Variants in PLD5 observed in about 807,000 individuals in gnomAD.
The protein encoded by PLD5 is inactive phospholipase D5.
A neutral mutation model predicts 61.1 loss-of-function variants in PLD5; 36 were observed. That is an observed-to-expected ratio of 0.59 (90% confidence interval 0.45 to 0.78). The LOEUF (loss-of-function observed/expected upper bound fraction) is 0.78, where lower values mean the gene tolerates loss of function less well. Among genes scored for constraint, PLD5 ranks in the 30% least tolerant of loss-of-function variants. The pLI, the probability that PLD5 is intolerant of heterozygous loss-of-function variation, is 0.00. For missense variants in PLD5, 515 were observed against 644.4 expected (o/e 0.80, Z 2.17); for synonymous variants, 243 against 242.8 (o/e 1.00, Z -0.01).
chr1:242,519,868 C>T (rs1669224230), intron 1 of PLD5, among the ~76,000 whole-genome samples: 2 of 152,182 alleles, frequency 1.3e-5, no homozygotes, highest in African/African-American at 4.8e-5. Flanking sequence ...AGGCTGATCT[C>T]AAATTTGAAA....
At position 242,088,603 on chromosome 1, in the gene PLD5, G is replaced by A. The variant is rs577184185; in HGVS notation, c.*1251C>T. The A allele has an allele frequency of 3.3e-5, 5 of 152,280 alleles. No homozygotes were observed. Among genetic ancestry groups the A allele is most frequent in the African/African-American group, 1.2e-4 (5 of 41,564 alleles). 9.4% of individuals were successfully genotyped at this position (152,280 alleles called of 1,614,324 possible). A position where few individuals can be genotyped will look rare whatever the true frequency, so the allele number is the denominator to read the frequency against. The stretch of plus-strand genomic sequence containing the variant: ...GCTCCGCTTTGAGTCACAGAGTCGG[G>A]AACAACATTGGAACTGGACATCCCG... On this transcript the variant is annotated 3_prime_UTR_variant, in exon 10 of 10. Transcript: ENST00000536534.
chr1:242,260,097 C>T (rs890004833), intron 4 of PLD5, among the ~76,000 whole-genome samples: 3 of 152,136 alleles, frequency 2.0e-5, no homozygotes, highest in Admixed American at 1.3e-4. Context: ...GCCTGTACTC[C>T]CAACACTTTG....
intron 4 of PLD5, among the ~76,000 whole-genome samples, chr1:242,254,813 CGCT>C (rs1168563327): frequency 6.6e-6 from 1 of 152,202 alleles, no homozygotes; most frequent in African/African-American, 2.4e-5. Flanking sequence ...ATGCTAATTA[CGCT>C]GCTAATTATC....
intron 2 of PLD5, among the ~76,000 whole-genome samples, chr1:242,328,080 C>T (rs1037266836): frequency 6.6e-6 from 1 of 151,888 alleles, no homozygotes; most frequent in African/African-American, 2.4e-5. Flanking sequence ...CTGCTAAAAA[C>T]AAAACAAAAC....
intron 1 of PLD5, among the ~76,000 whole-genome samples, chr1:242,473,896 A>T (rs1259666027): frequency 6.6e-6 from 1 of 152,218 alleles, no homozygotes; most frequent in Admixed American, 6.5e-5. Flanking sequence ...GAGTTTTTTT[A>T]AAAATGAGTT....
At chr1:242,227,494 A>T (rs1486868375) in intron 4 of PLD5, among the ~76,000 whole-genome samples, 1 of 151,924 alleles carries the variant, frequency 6.6e-6, no homozygotes, top group Non-Finnish European at 1.5e-5. Context: ...CCTCCCAAGT[A>T]GCTGGGACTA....
chr1:242,476,184 G>C (rs112867990), intron 1 of PLD5, among the ~76,000 whole-genome samples: 1 of 151,952 alleles, frequency 6.6e-6, no homozygotes, highest in East Asian at 1.9e-4. Flanking sequence ...GTGAAACCCC[G>C]TCTCTACTAA....
At chr1:242,412,196 G>A (rs1263018789) in intron 1 of PLD5, among the ~76,000 whole-genome samples, 1 of 152,136 alleles carries the variant, frequency 6.6e-6, no homozygotes, top group African/African-American at 2.4e-5. Context: ...AGCCCTTAGG[G>A]AAGAAAGCCT....
chr1:242,142,150 T>C (rs1407477483), intron 5 of PLD5, among the ~76,000 whole-genome samples: 1 of 152,216 alleles, frequency 6.6e-6, no homozygotes, highest in Non-Finnish European at 1.5e-5. Context: ...CTCCTCTTCA[T>C]GAAGACTTCA....
rs550590894 is a variant in PLD5, at chr1:242,160,955, C to A, written c.736-36290G>T. On this transcript the variant is annotated intron_variant, in intron 5 of 9. Transcript: ENST00000536534. The stretch of plus-strand genomic sequence containing the variant: ...ACAGGAGATTATAAGATACTAGATA[C>A]AATATGATTGCTTTTTAAGACAAAA... 2.0e-5 allele frequency among the ~76,000 whole-genome samples: 3 copies of A among 151,582 alleles called. No homozygotes were observed. In the South Asian group the frequency reaches 6.3e-4, roughly 32 times the overall value.
At chr1:242,462,609 A>AT (rs1156425781) in intron 1 of PLD5, among the ~76,000 whole-genome samples, 16 of 76,034 alleles carry the variant, frequency 2.1e-4, no homozygotes, top group Admixed American at 1.3e-3. Flanking sequence ...AAAAGTTGAA[A>AT]TAAAAAAAAA....
At chr1:242,481,071 C>T (rs1234141491) in intron 1 of PLD5, among the ~76,000 whole-genome samples, 2 of 152,034 alleles carry the variant, frequency 1.3e-5, no homozygotes, top group Non-Finnish European at 2.9e-5. Flanking sequence ...ATAAAGACTT[C>T]TGGGGGTTGG....
At chr1:242,296,716 T>A (rs1675679328) in intron 2 of PLD5, among the ~76,000 whole-genome samples, 1 of 152,190 alleles carries the variant, frequency 6.6e-6, no homozygotes, top group African/African-American at 2.4e-5. Flanking sequence ...GCTGATTATT[T>A]TTTTTTTAGA....
chr1:242,388,140 T>A (rs1223712358), intron 1 of PLD5, among the ~76,000 whole-genome samples: 1 of 152,204 alleles, frequency 6.6e-6, no homozygotes, highest in Non-Finnish European at 1.5e-5. Context: ...TGTCGTCTTC[T>A]CCTTCTTCAA....
At chr1:242,285,189 A>G (rs1030709369) in intron 3 of PLD5, among the ~76,000 whole-genome samples, 2 of 152,180 alleles carry the variant, frequency 1.3e-5, no homozygotes, top group African/African-American at 4.8e-5. Context: ...TCTAAGTGTT[A>G]TCATCTTTCT....
At chr1:242,305,208 G>T (rs2796068) in intron 2 of PLD5, among the ~76,000 whole-genome samples, 1 of 151,734 alleles carries the variant, frequency 6.6e-6, no homozygotes, top group Non-Finnish European at 1.5e-5. Flanking sequence ...CATAGGTTAA[G>T]AAACTTCAAA....
Position 242,524,602 on chromosome 1 carries a change from C to T in PLD5, c.-326G>A. The stretch of plus-strand genomic sequence containing the variant: ...GGACAGGGAGGGAAAGGAACCTGCT[C>T]CGGGGAGACAGAAGTGCCCGGTGCG... On this transcript the variant is annotated 5_prime_UTR_variant, in exon 1 of 10. Coordinates refer to ENST00000536534, the MANE Select transcript of PLD5 (RefSeq NM_001372062.1). The T allele has an allele frequency of 4.3e-6, 1 of 230,804 alleles. No homozygotes were observed. Among genetic ancestry groups the T allele is most frequent in the Non-Finnish European group, 8.4e-6 (1 of 118,998 alleles). The allele number at this position is 230,804 out of a possible 1,614,324, so 14.3% of individuals were successfully genotyped here. A position where few individuals can be genotyped will look rare whatever the true frequency, so the allele number is the denominator to read the frequency against.
In PLD5 at chr1:242,265,421, G is replaced by T. The variant is rs1419473821; in HGVS notation, c.523C>A (p.Gln175Lys). 1 of 1,610,698 alleles carries T rather than the reference G, an allele frequency of 6.2e-7. No individual in the cohort carries two copies. Residue 175 changes from glutamine (Q) to lysine (K), a missense_variant, in exon 4 of 10, where the codon CAG becomes AAG. Around this residue, in one of 2 missense-constraint regions of PLD5, gnomAD observed 450 missense variants for 598.1 expected, o/e 0.75. Transcript: ENST00000536534. ...ATTTCAATATTTTGCGAAGTCAGCT[G>T]GAGCAACTTTTCAAAAAGACGTTGA... ...QGQRLFEKLL[Q>K]LTSQNIEIKL... is the part of the protein sequence containing the mutation.
At chr1:242,367,339 G>C (rs377240489) in intron 1 of PLD5, among the ~76,000 whole-genome samples, 12 of 152,148 alleles carry the variant, frequency 7.9e-5, no homozygotes, top group African/African-American at 2.9e-4. Flanking sequence ...GCAACAGAGA[G>C]ACAGAAATGG....
Sources: gnomAD v4.1 joint callset for allele counts (sites outside exome capture counted in the v4.1 genomes callset) on GRCh38, gnomAD v4.1.1 for gene constraint, gnomAD v4.1.1 regional missense constraint, MANE v1.5 for transcripts, NCBI Gene and HGNC (gene_info 2026-07-23, HGNC 2026-07-21) for gene names.